The following MAPK14 variants were observed in gnomAD, a reference collection of about 807,000 sequenced individuals.
MAPK14 encodes the protein mitogen-activated protein kinase 14.
Under a neutral mutation model 49.6 loss-of-function variants are expected in MAPK14, and 16 were observed. The ratio of observed to expected loss-of-function variants is 0.32; its 90% CI spans 0.22 to 0.49. The LOEUF is 0.49. Ranked by LOEUF, MAPK14 falls within the 20% of genes least tolerant of loss-of-function variation. The pLI is 0.99. For missense variants in MAPK14, 200 were observed against 441.2 expected (o/e 0.45, Z 4.90); for synonymous variants, 142 against 158.0 (o/e 0.90, Z 0.76).
intron 1 of MAPK14, among the ~76,000 whole-genome samples, chr6:36,035,200 C>A (rs1562096023): frequency 1.3e-5 from 2 of 151,962 alleles, no homozygotes; most frequent in Non-Finnish European, 2.9e-5. Flanking sequence ...CCCGGCAGTT[C>A]TGCTGGGATT....
Position 36,028,749 on chromosome 6 carries a change from T to A in MAPK14, c.116+476T>A, listed in dbSNP as rs1762413826. ...GCACAGCCCAACCCGAAGACTGCGG[T>A]CATCTGAACAAAACTGACCAGGAAG... On this transcript the variant is annotated intron_variant, in intron 1 of 11. Transcript: ENST00000229794. This position sits in a 1 kb window ranked among gnomAD's most constrained non-coding sequence, Gnocchi z 5.1. Among the ~76,000 whole-genome samples the A allele has an allele frequency of 6.7e-6, 1 of 149,548 alleles. No individual in the cohort carries two copies. The highest frequency in any genetic ancestry group is 2.5e-5 in the African/African-American group (1 of 40,378).
intron 8 of MAPK14, among the ~76,000 whole-genome samples, chr6:36,079,406 G>T (rs1318763275): frequency 6.6e-6 from 1 of 152,082 alleles, no homozygotes; most frequent in Non-Finnish European, 1.5e-5. Context: ...TAGAACAGGG[G>T]TGTCCAATCT....
rs1201440473 is a variant in MAPK14 at position 36,076,206 on chromosome 6, T to TTTTATA, written c.610+244_610+245insTTTATA. Among the ~76,000 whole-genome samples, 483 of 152,326 alleles carry TTTTATA rather than the reference T, an allele frequency of 3.2e-3. 3 individuals are homozygous for TTTTATA. The highest frequency in any genetic ancestry group is 0.011 in the African/African-American group (444 of 41,558). On this transcript the variant is annotated intron_variant, in intron 7 of 11. Coordinates refer to ENST00000229794, the MANE Select transcript of MAPK14 (RefSeq NM_139012.3). ...TTATTTAGATTTTGAATATATTCTCTGAGTACTTATACCTAAAGACAATTA... is the reference window on the plus strand; with the variant it reads ...TTATTTAGATTTTGAATATATTCTCTTTTATAGAGTACTTATACCTAAAGACAATTA...
chr6:36,071,241 G>A (rs1358192931), intron 3 of MAPK14, among the ~76,000 whole-genome samples: 3 of 151,876 alleles, frequency 2.0e-5, no homozygotes, highest in South Asian at 2.1e-4. Flanking sequence ...GCTGAGGCAC[G>A]AGAATCGCTT....
intron 8 of MAPK14, chr6:36,092,626 T>C (rs2127463977): frequency 2.5e-6 from 1 of 403,548 alleles, no homozygotes; most frequent in Non-Finnish European, 4.8e-6. Context: ...TCTGAGACAA[T>C]TCAGTTGGTT....
At chr6:36,036,844 A>T (rs1447094305) in intron 1 of MAPK14, among the ~76,000 whole-genome samples, 2 of 152,122 alleles carry the variant, frequency 1.3e-5, no homozygotes, top group East Asian at 3.9e-4. Flanking sequence ...AGGTTCAAGC[A>T]ATTCTCCCAC....
intron 8 of MAPK14, among the ~76,000 whole-genome samples, chr6:36,093,468 C>A (rs1765321307): frequency 6.6e-6 from 1 of 152,044 alleles, no homozygotes; most frequent in African/African-American, 2.4e-5. Flanking sequence ...GCCTGTAATC[C>A]CAGCCCTTTG....
intron 1 of MAPK14, among the ~76,000 whole-genome samples, chr6:36,030,098 A>G (rs1010874292): frequency 1.1e-4 from 16 of 152,146 alleles, no homozygotes; most frequent in Admixed American, 5.9e-4. Context: ...TTCGTTTTCA[A>G]TGCTATTTAA....
chr6:36,115,927 CA>C (rs60613902), downstream of MAPK14, among the ~76,000 whole-genome samples: 50,529 of 106,064 alleles, frequency 0.48, 9,486 homozygotes, highest in South Asian at 0.62. Context: ...GACTCCGTCT[CA>C]AAAAAAAAAA....
At chr6:36,123,338 T>TG in the MAPK14 span, among the ~76,000 whole-genome samples, 1 of 152,106 alleles carries the variant, frequency 6.6e-6, no homozygotes, top group African/African-American at 2.4e-5. Context: ...GCTAGGACCT[T>TG]GGGGGCCCCA....
At chr6:36,095,944 T>C (rs1162526299) in intron 8 of MAPK14, 43 bp from the exon 9 acceptor site, 1 of 1,225,708 alleles carries the variant, frequency 8.2e-7, no homozygotes, top group East Asian at 2.3e-5. Context: ...TTGTTTTTCA[T>C]TTTTATTTTG....
chr6:36,117,749 T>C, the MAPK14 span, among the ~76,000 whole-genome samples: 1 of 152,228 alleles, frequency 6.6e-6, no homozygotes, highest in Non-Finnish European at 1.5e-5. Context: ...CAGTAAATGC[T>C]AAATACTGGC....
intron 9 of MAPK14, chr6:36,096,478 A>G (rs552872528): frequency 1.2e-5 from 2 of 162,776 alleles, no homozygotes; most frequent in African/African-American, 2.4e-5. Context: ...TTCTCAGAGC[A>G]TGAGCTTCAC....
chr6:36,085,618 C>T (rs1006257549), intron 8 of MAPK14, among the ~76,000 whole-genome samples: 5 of 152,164 alleles, frequency 3.3e-5, no homozygotes, highest in African/African-American at 1.2e-4. Flanking sequence ...GAAAAGCTAA[C>T]TATCCTAAAT....
chr6:36,091,116 A>C (rs1330093357), intron 8 of MAPK14, among the ~76,000 whole-genome samples: 1 of 152,176 alleles, frequency 6.6e-6, no homozygotes, highest in Non-Finnish European at 1.5e-5. Context: ...TAGGTCCTGC[A>C]ATTGGTCCTT....
intron 1 of MAPK14, among the ~76,000 whole-genome samples, chr6:36,044,585 C>T (rs532789105): frequency 1.3e-5 from 2 of 152,310 alleles, no homozygotes. Flanking sequence ...ATCAAAAGCT[C>T]AGTTGACAGC....
rs7770250 is a variant in MAPK14 at position 36,077,496 on chromosome 6, C to G, written c.682+888C>G. ...AGAGATCTAAAAGCCATTTTAGTCC[C>G]TTACCTAAATAAACTAATTGAGTTT... is the stretch of plus-strand genomic sequence containing the variant. On this transcript the variant is annotated intron_variant, in intron 8 of 11. Transcript: ENST00000229794. 3.9e-3 allele frequency among the ~76,000 whole-genome samples: 599 copies of G among 151,794 alleles called. 4 individuals are homozygous for G. Among genetic ancestry groups the G allele is most frequent in the African/African-American group, 0.014 (564 of 41,388 alleles).
At chr6:36,060,742 A>G (rs780391737) in intron 3 of MAPK14, among the ~76,000 whole-genome samples, 2 of 152,240 alleles carry the variant, frequency 1.3e-5, no homozygotes, top group Non-Finnish European at 2.9e-5. Flanking sequence ...GAAATAAAGA[A>G]GATGAAATGG....
At chr6:36,075,758 C>A in intron 6 of MAPK14, 90 bp from the exon 7 acceptor site, 3 of 1,567,422 alleles carry the variant, frequency 1.9e-6, no homozygotes, top group Non-Finnish European at 2.6e-6. Context: ...AATAAGGCAA[C>A]AGAGGTTTGT....
Sources: allele counts gnomAD v4.1 joint callset (sites outside exome capture counted in the v4.1 genomes callset), GRCh38; gene constraint gnomAD v4.1.1; non-coding constraint Gnocchi (gnomAD v3.1); transcripts MANE v1.5; gene names NCBI Gene and HGNC (gene_info 2026-07-23, HGNC 2026-07-21).